The following MALRD1 variants were observed in gnomAD, a reference collection of about 807,000 sequenced individuals.
MALRD1 encodes the protein MAM and LDL-receptor class A domain-containing protein 1.
In MALRD1, 247 loss-of-function variants were observed where a neutral mutation model predicts 242.1. The observed-to-expected ratio is 1.02, with a 90% CI of 0.92 to 1.13. The LOEUF (loss-of-function observed/expected upper bound fraction) is 1.13. MALRD1 is among the 50% of genes most tolerant of loss of function. The probability of loss-of-function intolerance (pLI) is 0.00; values close to 1 mark genes in which losing one functional copy is unlikely to be tolerated. For missense variants in MALRD1, 2,989 were observed against 2,533.1 expected, an observed-to-expected ratio of 1.18 and a Z score of -3.86; for synonymous variants, 995 against 866.6, an observed-to-expected ratio of 1.15 and a Z score of -2.60.
chr10:19,690,991 G>A lies in MALRD1; in HGVS notation c.6138-1291G>A, dbSNP rs570377398. On this transcript the variant is annotated intron_variant, in intron 36 of 39. Transcript: ENST00000454679. ...TTACTGTAGCCCTGATGCCAGGAAA[G>A]TGGCACTATCAACATTTAAAGGAAT... Among the ~76,000 whole-genome samples, 344 of 152,116 alleles carry A rather than the reference G, an allele frequency of 2.3e-3. 4 individuals are homozygous for A. Among genetic ancestry groups the A allele is most frequent in the African/African-American group, 7.7e-3 (318 of 41,550 alleles).
chr10:19,404,454 G>C (rs1847001448), intron 28 of MALRD1, among the ~76,000 whole-genome samples: 1 of 152,006 alleles, frequency 6.6e-6, no homozygotes, highest in South Asian at 2.1e-4. Context: ...AGAAGTTTCT[G>C]ATGTATGTTG....
chr10:19,531,873 A>G (rs1427801367), intron 32 of MALRD1, among the ~76,000 whole-genome samples: 1 of 152,186 alleles, frequency 6.6e-6, no homozygotes, highest in Non-Finnish European at 1.5e-5. Flanking sequence ...TATACTTTTC[A>G]TTGTATCAAT....
In MALRD1 at chr10:19,149,189, C is replaced by T. The variant is rs951205372; in HGVS notation, c.1558+2845C>T. ...GGAGTGCAGTGGTGTGATCCATGCT[C>T]ACTGCAAACTCCACCTCCCAGGTTC... On this transcript the variant is annotated intron_variant, in intron 11 of 39. Transcript: ENST00000454679. Among the ~76,000 whole-genome samples, 8 of 151,950 alleles carry T rather than the reference C, an allele frequency of 5.3e-5. No individual in the cohort carries two copies. In the East Asian group the frequency reaches 1.5e-3, roughly 29 times the overall value.
intron 26 of MALRD1, among the ~76,000 whole-genome samples, chr10:19,374,291 C>T (rs1000509153): frequency 6.6e-6 from 1 of 152,104 alleles, no homozygotes; most frequent in Admixed American, 6.6e-5. Context: ...TATAATCTTG[C>T]TGCAGTATGC....
intron 26 of MALRD1, 126 bp downstream of exon 26, chr10:19,352,423 A>C (rs1844428820): frequency 3.3e-6 from 3 of 923,042 alleles, no homozygotes; most frequent in Non-Finnish European, 4.7e-6. Flanking sequence ...AAAATATAAG[A>C]TCTTTTTAAA....
intron 33 of MALRD1, among the ~76,000 whole-genome samples, chr10:19,594,351 G>A (rs917349085): frequency 4.6e-5 from 7 of 152,230 alleles, no homozygotes; most frequent in South Asian, 4.1e-4. Flanking sequence ...AAGTTGGTGC[G>A]GATGTGGTGA....
intron 26 of MALRD1, among the ~76,000 whole-genome samples, chr10:19,363,285 C>T (rs1367877093): frequency 6.6e-6 from 1 of 151,742 alleles, no homozygotes; most frequent in Non-Finnish European, 1.5e-5. Context: ...GGAACTAAGC[C>T]CTGGGACATT....
At chr10:19,226,242 T>C (rs1837794686) in intron 18 of MALRD1, among the ~76,000 whole-genome samples, 1 of 152,112 alleles carries the variant, frequency 6.6e-6, no homozygotes, top group Admixed American at 6.6e-5. Flanking sequence ...CGTGACACTC[T>C]CGATAGATGC....
At chr10:19,098,816 A>G (rs533631514) in intron 4 of MALRD1, among the ~76,000 whole-genome samples, 87 of 152,248 alleles carry the variant, frequency 5.7e-4, no homozygotes, top group African/African-American at 2.0e-3. Flanking sequence ...TCTCCTGCAG[A>G]GAGAGGGGTC....
At chr10:19,568,110 G>A (rs777480088) in intron 33 of MALRD1, among the ~76,000 whole-genome samples, 52 of 151,632 alleles carry the variant, frequency 3.4e-4, no homozygotes, top group Admixed American at 1.1e-3. Flanking sequence ...TCTCCTAACC[G>A]TTTCTATTGT....
chr10:19,420,400 A>C (rs1340470606), intron 28 of MALRD1, among the ~76,000 whole-genome samples: 1 of 152,174 alleles, frequency 6.6e-6, no homozygotes, highest in African/African-American at 2.4e-5. Context: ...TGACATATTG[A>C]TTCTTTGAAA....
Position 19,066,870 on chromosome 10 carries a change from T to C in MALRD1, c.340+11T>C. The C allele has an allele frequency of 8.1e-7, 1 of 1,233,346 alleles. No homozygotes were observed. Among genetic ancestry groups the C allele is most frequent in the Non-Finnish European group, 1.0e-6 (1 of 987,766 alleles). 76.4% of individuals were successfully genotyped at this position (1,233,346 alleles called of 1,614,324 possible). A position where few individuals can be genotyped will look rare whatever the true frequency, so the allele number is the denominator to read the frequency against. On this transcript the variant is annotated intron_variant, in intron 2 of 39. Coordinates refer to ENST00000454679, the MANE Select transcript of MALRD1 (RefSeq NM_001142308.3). ...ATGGTGATGTGTCTGGTAAATGCTT[T>C]AAATTTATTTTCTCCCCTCTCTCCC...
intron 12 of MALRD1, among the ~76,000 whole-genome samples, chr10:19,159,379 CT>C (rs1834299580): frequency 6.6e-6 from 1 of 151,366 alleles, no homozygotes; most frequent in African/African-American, 2.4e-5. Flanking sequence ...TATTCTTATC[CT>C]TCTGTATCTT....
chr10:19,722,068 A>G (rs1834786096), intron 38 of MALRD1: 1 of 152,220 alleles, frequency 6.6e-6, no homozygotes, highest in Admixed American at 6.5e-5. Flanking sequence ...TTTAGACTAT[A>G]GGTAAGTATC....
intron 21 of MALRD1, among the ~76,000 whole-genome samples, chr10:19,320,575 G>A (rs1040527643): frequency 6.6e-6 from 1 of 151,936 alleles, no homozygotes; most frequent in East Asian, 1.9e-4. Flanking sequence ...TATTCCTTTG[G>A]GTAAATACCC....
At chr10:19,730,922 A>G (rs12776678) in intron 39 of MALRD1, 141 bp downstream of exon 39, 46,771 of 786,912 alleles carry the variant, frequency 0.059, 1,805 homozygotes, top group Middle Eastern at 0.077. Context: ...AGTTATTTCA[A>G]TTGGGGATAG....
intron 36 of MALRD1, among the ~76,000 whole-genome samples, chr10:19,679,623 T>C (rs1025953976): frequency 2.0e-5 from 3 of 152,186 alleles, no homozygotes; most frequent in African/African-American, 7.2e-5. Flanking sequence ...TCGTTGATCT[T>C]TTGAAGAGTT....
chr10:19,415,686 G>A (rs1589043675), intron 28 of MALRD1, among the ~76,000 whole-genome samples: 1 of 152,212 alleles, frequency 6.6e-6, no homozygotes, highest in East Asian at 1.9e-4. Context: ...GATTTCTATA[G>A]ACTTCTAAAA....
chr10:19,124,292 A>T (rs1837174057), intron 6 of MALRD1, among the ~76,000 whole-genome samples: 1 of 152,164 alleles, frequency 6.6e-6, no homozygotes, highest in Non-Finnish European at 1.5e-5. Context: ...TTTCTATGGC[A>T]ATGGGTCACA....
Sources: gnomAD v4.1 joint callset for allele counts (sites outside exome capture counted in the v4.1 genomes callset) on GRCh38, gnomAD v4.1.1 for gene constraint, MANE v1.5 for transcripts, NCBI Gene and HGNC (gene_info 2026-07-23, HGNC 2026-07-21) for gene names.